Variants in CYTIP observed in about 807,000 individuals in gnomAD.
CYTIP encodes the protein cytohesin-interacting protein.
Under a neutral mutation model 43.8 loss-of-function variants are expected in CYTIP, and 26 were observed. The observed-to-expected ratio is 0.59, with a 90% CI of 0.44 to 0.82. The LOEUF is 0.82. Among genes scored for constraint, CYTIP ranks in the 40% least tolerant of loss-of-function variants. CYTIP has a pLI of 0.00. For synonymous variants in CYTIP, 162 were observed against 162.9 expected, an observed-to-expected ratio of 0.99 and a Z score of 0.04; for missense variants, 426 against 443.1, an observed-to-expected ratio of 0.96 and a Z score of 0.35.
chr2:157,440,319 G>A (rs1685885680), intron 1 of CYTIP, among the ~76,000 whole-genome samples: 1 of 152,190 alleles, frequency 6.6e-6, no homozygotes, highest in African/African-American at 2.4e-5. Flanking sequence ...CTGACGTTAA[G>A]TGCCCGGAGA....
At chr2:157,417,469 C>T (rs1408387762) in intron 7 of CYTIP, among the ~76,000 whole-genome samples, 2 of 152,106 alleles carry the variant, frequency 1.3e-5, no homozygotes, top group Non-Finnish European at 2.9e-5. Flanking sequence ...TTCACTGGGC[C>T]ATTCAGGATG....
chr2:157,417,870 A>AC, intron 7 of CYTIP, among the ~76,000 whole-genome samples: 1 of 152,336 alleles, frequency 6.6e-6, no homozygotes, highest in East Asian at 1.9e-4. Context: ...TATATTTCAC[A>AC]CCCACGTAGT....
chr2:157,424,966 T>C (rs1223807802), intron 6 of CYTIP, among the ~76,000 whole-genome samples: 1 of 152,074 alleles, frequency 6.6e-6, no homozygotes, highest in East Asian at 1.9e-4. Flanking sequence ...AAATAAATGG[T>C]ACTGGAAGAA....
At chr2:157,419,145 C>G (rs991150392) in intron 6 of CYTIP, among the ~76,000 whole-genome samples, 1 of 152,104 alleles carries the variant, frequency 6.6e-6, no homozygotes, top group African/African-American at 2.4e-5. Flanking sequence ...ATTACAGGCA[C>G]GCCCCACCAT....
chr2:157,440,373 G>A (rs944993354), intron 1 of CYTIP, among the ~76,000 whole-genome samples: 1 of 152,172 alleles, frequency 6.6e-6, no homozygotes, highest in Admixed American at 6.5e-5. Flanking sequence ...GTCTGATGGT[G>A]GGCTCACAGA....
chr2:157,433,775 G>A (rs770843096), intron 3 of CYTIP, among the ~76,000 whole-genome samples: 1 of 152,112 alleles, frequency 6.6e-6, no homozygotes, highest in Non-Finnish European at 1.5e-5. Context: ...TACAGCATGA[G>A]GCAATCTGCA....
At chr2:157,438,431 T>C (rs1685848999) in intron 1 of CYTIP, among the ~76,000 whole-genome samples, 1 of 152,128 alleles carries the variant, frequency 6.6e-6, no homozygotes. Context: ...AAATTACAGC[T>C]AGATAGGAAG....
At chr2:157,422,619 G>T (rs1175914299) in intron 6 of CYTIP, among the ~76,000 whole-genome samples, 2 of 148,532 alleles carry the variant, frequency 1.3e-5, no homozygotes, top group South Asian at 4.2e-4. Flanking sequence ...GCAGTGAGCC[G>T]AGATCATGCC....
chr2:157,415,826 C>T lies in CYTIP; in HGVS notation c.931G>A (p.Gly311Arg), dbSNP rs2105129745. The T allele has an allele frequency of 3.7e-6, 6 of 1,614,198 alleles. No homozygotes were observed. Among genetic ancestry groups the T allele is most frequent in the East Asian group, 4.5e-5 (2 of 44,884 alleles). The change falls in exon 8 of 8, where the codon GGA becomes AGA. Residue 311 changes from glycine (G) to arginine (R), a missense_variant. Gly to Arg is a moderately radical substitution (Grantham distance 125). Transcript: ENST00000264192. ...CCCTCCCACAAGGGAGACATGGATC[C>T]GCTGCTGGTGTTACTGATGCTCCGG... The part of the protein sequence containing the change: ...RNRSISNTSS[G>R]SMSPLWEGNL...
intron 6 of CYTIP, among the ~76,000 whole-genome samples, chr2:157,420,863 T>C (rs1685511720): frequency 6.6e-6 from 1 of 152,148 alleles, no homozygotes; most frequent in Admixed American, 6.5e-5. Context: ...AGCATAGGGA[T>C]AGGTCAACAG....
rs1338202529 is a variant in CYTIP, at chr2:157,430,956, T to G, written c.286A>C (p.Arg96=). 9 of 1,604,772 alleles carry G rather than the reference T, an allele frequency of 5.6e-6. No homozygotes were observed. Among genetic ancestry groups the G allele is most frequent in the Admixed American group, 1.7e-5 (1 of 57,150 alleles). ...GAGCAGGCATTCTGATTCTGGGGCCTGTAAGACTGTAAAAATTAAGATGAT... is the reference window on the plus strand; with the variant it reads ...GAGCAGGCATTCTGATTCTGGGGCCGGTAAGACTGTAAAAATTAAGATGAT... ...ETFGFEIQSY[R]PQNQNACSSE... Residue 96 remains arginine (R), a synonymous_variant, in exon 4 of 8, where the codon AGG becomes CGG. Transcript: ENST00000264192.
intron 4 of CYTIP, 77 bp downstream of exon 4, chr2:157,430,783 T>A: frequency 6.8e-7 from 1 of 1,474,200 alleles, no homozygotes; most frequent in Non-Finnish European, 9.4e-7. Context: ...AACAAATACA[T>A]CCTGACCTTC....
chr2:157,433,247 A>G (rs1025645533), intron 3 of CYTIP, among the ~76,000 whole-genome samples: 2 of 152,182 alleles, frequency 1.3e-5, no homozygotes, highest in Non-Finnish European at 2.9e-5. Context: ...AAGAGGGAGC[A>G]CTATGCTTCT....
In CYTIP at chr2:157,443,894, G is replaced by T. The variant is rs1182359897; in HGVS notation, c.127C>A (p.Gln43Lys). The change falls in exon 1 of 8, where the codon CAA becomes AAA. Residue 43 changes from glutamine to lysine, a missense_variant. Coordinates refer to ENST00000264192, the MANE Select transcript of CYTIP (RefSeq NM_004288.5). ...SLTMDDNRRIQMLADTVATLP... is the reference protein window; with the variant it reads ...SLTMDDNRRIKMLADTVATLP... ...GTAGCCACCGTGTCTGCTAGCATTT[G>T]AATCCTTCTATTATCGTCCATCGTA... The T allele has an allele frequency of 2.5e-6, 4 of 1,614,000 alleles. No homozygotes were observed. Among genetic ancestry groups the T allele is most frequent in the African/African-American group, 1.3e-5 (1 of 74,920 alleles).
In CYTIP at chr2:157,427,439, AAAG is replaced by A. The variant is rs751542200; in HGVS notation, c.477-22_477-20del. 3.1e-5 allele frequency: 48 copies of A among 1,567,710 alleles called. No individual in the cohort carries two copies. The highest frequency in any genetic ancestry group is 3.8e-5 in the Non-Finnish European group (44 of 1,157,708). On this transcript the variant is annotated intron_variant, in intron 5 of 7. Coordinates refer to ENST00000264192, the MANE Select transcript of CYTIP (RefSeq NM_004288.5). The stretch of plus-strand genomic sequence containing the variant: ...CTCTATCCTGTTTTAAGGAAAAAAA[AAAG>A]AAGAGGAAGGTGGGGAGTGAGTAAC...
chr2:157,426,168 T>C (rs973447255), intron 6 of CYTIP, among the ~76,000 whole-genome samples: 1 of 152,060 alleles, frequency 6.6e-6, no homozygotes, highest in African/African-American at 2.4e-5. Flanking sequence ...CAAGAATGAA[T>C]ATAATAAATG....
intron 1 of CYTIP, chr2:157,438,776 A>G (rs1685856368): frequency 6.3e-6 from 1 of 158,740 alleles, no homozygotes. Flanking sequence ...AAGTACTAAC[A>G]GAAAACAAAG....
At chr2:157,433,266 T>C (rs1002770132) in intron 3 of CYTIP, among the ~76,000 whole-genome samples, 3 of 152,170 alleles carry the variant, frequency 2.0e-5, no homozygotes, top group South Asian at 2.1e-4. Flanking sequence ...CTAAAACCTA[T>C]AGATTTCACC....
chr2:157,433,586 C>T (rs573705250), intron 3 of CYTIP, among the ~76,000 whole-genome samples: 168 of 151,774 alleles, frequency 1.1e-3, no homozygotes, highest in Middle Eastern at 3.4e-3. Flanking sequence ...GACATGCAAA[C>T]GTACTATGGA....
Sources: allele counts gnomAD v4.1 joint callset (sites outside exome capture counted in the v4.1 genomes callset), GRCh38; gene constraint gnomAD v4.1.1; transcripts MANE v1.5; gene names NCBI Gene and HGNC (gene_info 2026-07-23, HGNC 2026-07-21).